The following TECPR2 variants were observed in gnomAD, a reference collection of about 807,000 sequenced individuals.
TECPR2 encodes tectonin beta-propeller repeat-containing protein 2.
In TECPR2, 65 loss-of-function variants were observed where a neutral mutation model predicts 138.1. The observed-to-expected ratio is 0.47, with a 90% CI of 0.39 to 0.58. The LOEUF is 0.58. Among genes scored for constraint, TECPR2 ranks in the 20% least tolerant of loss-of-function variants. The pLI is 0.00. For synonymous variants in TECPR2, 746 were observed against 749.8 expected, an observed-to-expected ratio of 0.99 and a Z score of 0.08; for missense variants, 1,553 against 1,824.5, an observed-to-expected ratio of 0.85 and a Z score of 2.71.
At chr14:102,466,587 G>A (rs1258358188) in intron 17 of TECPR2, among the ~76,000 whole-genome samples, 2 of 152,160 alleles carry the variant, frequency 1.3e-5, no homozygotes, top group East Asian at 3.9e-4. Context: ...CCCGCACCCA[G>A]GTGGACTCCT....
chr14:102,396,209 T>C (rs1888311028), intron 2 of TECPR2, among the ~76,000 whole-genome samples: 2 of 151,694 alleles, frequency 1.3e-5, no homozygotes, highest in African/African-American at 4.8e-5. Flanking sequence ...TTCAAGCTGC[T>C]CTCCTGCCTC....
chr14:102,369,491 GGATCCTCCAGGTTCAGTC>G (rs1887435947), intron 1 of TECPR2, among the ~76,000 whole-genome samples: 2 of 152,048 alleles, frequency 1.3e-5, no homozygotes, highest in South Asian at 4.1e-4. Context: ...CGGGCTCAAT[GGATCCTCCAGGTTCAGTC>G]GATCCTCCGG....
chr14:102,475,201 G>GA (rs1173735288), intron 17 of TECPR2, among the ~76,000 whole-genome samples: 3 of 152,226 alleles, frequency 2.0e-5, no homozygotes, highest in African/African-American at 4.8e-5. Context: ...ACTGGTACAA[G>GA]AAAGGCAAGT....
In TECPR2 at chr14:102,436,911, G is replaced by T. The variant is rs539197488; in HGVS notation, c.2395-1111G>T. 1.4e-5 allele frequency: 12 copies of T among 833,480 alleles called. No homozygotes were observed. In the African/African-American group the frequency reaches 1.8e-4, roughly 13 times the overall value. The allele number at this position is 833,480 out of a possible 1,614,324, so 51.6% of individuals were successfully genotyped here. A position where few individuals can be genotyped will look rare whatever the true frequency, so the allele number is the denominator to read the frequency against. On this transcript the variant is annotated intron_variant, in intron 9 of 19. Coordinates refer to ENST00000359520, the MANE Select transcript of TECPR2 (RefSeq NM_014844.5). ...GGCGTTAGCCAGGCAGACTGTCGGT[G>T]GGGTGGGGTATTGGAATTCTAGGCC...
chr14:102,383,640 G>A (rs376113839), intron 2 of TECPR2, among the ~76,000 whole-genome samples: 3 of 151,526 alleles, frequency 2.0e-5, no homozygotes, highest in South Asian at 2.1e-4. Context: ...ACTCCTGATC[G>A]CAAGTGATCC....
Position 102,367,994 on chromosome 14 carries a change from CTTTTTTTTTTTT to C in TECPR2, c.-73+4897_-73+4908del, listed in dbSNP as rs56325877. ...AACATCTTTTTATGTGCTTATTGGC[CTTTTTTTTTTTT>C]TTTTTTTTTTTTTTTTTTGGAAATA... is the stretch of plus-strand genomic sequence containing the variant. On this transcript the variant is annotated intron_variant, in intron 1 of 19. Coordinates refer to ENST00000359520, the MANE Select transcript of TECPR2 (RefSeq NM_014844.5). Among the ~76,000 whole-genome samples, 195 of 65,834 alleles carry C rather than the reference CTTTTTTTTTTTT, an allele frequency of 3.0e-3. 2 individuals carry two copies. The highest frequency in any genetic ancestry group is 9.8e-3 in the African/African-American group (140 of 14,304). 43.2% of individuals were successfully genotyped at this position (65,834 alleles called of 152,430 possible). A position where few individuals can be genotyped will look rare whatever the true frequency, so the allele number is the denominator to read the frequency against.
Position 102,443,747 on chromosome 14 carries a change from A to G in TECPR2, c.2853A>G (p.Thr951=). 1 of 1,612,434 alleles carries G rather than the reference A, an allele frequency of 6.2e-7. No individual in the cohort carries two copies. The highest frequency in any genetic ancestry group is 8.5e-7 in the Non-Finnish European group (1 of 1,178,740). ...TARNNVVWAL[T]EQRALLYREG... is the part of the protein sequence containing the mutation. ...GGAACAATGTGGTGTGGGCGCTGAC[A>G]GAGCAGAGGGCCCTCCTGTACCGGG... is the stretch of plus-strand genomic sequence containing the variant. The change falls in exon 12 of 20, where the codon ACA becomes ACG. Residue 951 remains threonine (T), a synonymous_variant. Coordinates refer to ENST00000359520, the MANE Select transcript of TECPR2 (RefSeq NM_014844.5). This position sits in a 1 kb window ranked among gnomAD's most constrained non-coding sequence, Gnocchi z 4.9.
intron 17 of TECPR2, among the ~76,000 whole-genome samples, chr14:102,467,429 A>T (rs988805995): frequency 6.6e-6 from 1 of 151,320 alleles, no homozygotes; most frequent in Non-Finnish European, 1.5e-5. Flanking sequence ...GGTTCAAGCA[A>T]TTATCCTGCC....
chr14:102,436,850 G>A (rs1036990847), intron 9 of TECPR2, among the ~76,000 whole-genome samples: 1 of 152,242 alleles, frequency 6.6e-6, no homozygotes, highest in Non-Finnish European at 1.5e-5. Flanking sequence ...GTACAGGGCT[G>A]CAGGAAGCGC....
chr14:102,374,595 A>G (rs570972096), intron 1 of TECPR2, among the ~76,000 whole-genome samples: 1 of 152,146 alleles, frequency 6.6e-6, no homozygotes, highest in Non-Finnish European at 1.5e-5. Flanking sequence ...AACCCTCTCT[A>G]TTTTTTAAAA....
chr14:102,418,540 G>A (rs187929510), intron 5 of TECPR2, among the ~76,000 whole-genome samples: 36 of 152,356 alleles, frequency 2.4e-4, no homozygotes, highest in African/African-American at 7.2e-4. Context: ...CCTGCGCACC[G>A]AGGATCTGAG....
intron 1 of TECPR2, among the ~76,000 whole-genome samples, chr14:102,376,311 T>C (rs1003763564): frequency 6.6e-6 from 1 of 152,176 alleles, no homozygotes. Context: ...CCACAAATTA[T>C]CACCTCATTA....
intron 2 of TECPR2, among the ~76,000 whole-genome samples, chr14:102,387,265 A>G (rs1185034600): frequency 6.6e-6 from 1 of 152,136 alleles, no homozygotes; most frequent in East Asian, 1.9e-4. Flanking sequence ...TTTTTTCTAC[A>G]GAAGTTAGTG....
intron 17 of TECPR2, among the ~76,000 whole-genome samples, chr14:102,492,189 C>G (rs11160686): frequency 0.087 from 13,194 of 152,324 alleles, 747 homozygotes; most frequent in African/African-American, 0.17. Context: ...GACCTGGCCT[C>G]CATCCCTACC....
chr14:102,414,565 G>A, intron 4 of TECPR2, 71 bp from the exon 5 acceptor site: 1 of 1,565,312 alleles, frequency 6.4e-7, no homozygotes. Context: ...GAAGGACACT[G>A]ACTTGTCCTA....
chr14:102,463,416 CAAAA>C lies in TECPR2; in HGVS notation c.3641-1705_3641-1702del, dbSNP rs550694466. On this transcript the variant is annotated intron_variant, in intron 16 of 19. Transcript: ENST00000359520. ...TGGGCGACAGAGCGAGACTCCGTCT[CAAAA>C]AAAAAAAAAAAAAAAAAAAGAAAAA... Among the ~76,000 whole-genome samples the C allele has an allele frequency of 1.6e-4, 6 of 38,538 alleles. No individual in the cohort carries two copies. The South Asian group carries it at 4.7e-3, about 30-fold the overall frequency. The allele number at this position is 38,538 out of a possible 152,430, so 25.3% of individuals were successfully genotyped here. A position where few individuals can be genotyped will look rare whatever the true frequency, so the allele number is the denominator to read the frequency against.
intron 17 of TECPR2, among the ~76,000 whole-genome samples, chr14:102,466,534 C>T (rs1026047063): frequency 1.3e-5 from 2 of 152,172 alleles, no homozygotes; most frequent in Admixed American, 1.3e-4. Context: ...AAAAGCAAGC[C>T]GCCTGTCGTT....
In TECPR2 at chr14:102,498,187, G is replaced by T; in HGVS notation, c.4166G>T (p.Gly1389Val). The change falls in exon 20 of 20, where the codon GGC (glycine) becomes GTC (valine). Residue 1389 changes from glycine (G) to valine (V), a missense_variant. Gly to Val is a moderately radical substitution (Grantham distance 109). Transcript: ENST00000359520. ...RLTKTFSHSH[G>V]TQKSSQAAMP... ...ACAAAGACGTTCAGCCACTCGCACG[G>T]CACCCAGAAGAGCAGCCAGGCCGCC... is the stretch of plus-strand genomic sequence containing the variant. 6.2e-7 allele frequency: 1 copy of T among 1,611,006 alleles called. No homozygotes were observed.
chr14:102,424,380 G>A (rs1289912381), intron 5 of TECPR2, among the ~76,000 whole-genome samples: 1 of 152,200 alleles, frequency 6.6e-6, no homozygotes, highest in Non-Finnish European at 1.5e-5. Flanking sequence ...CACCCAGGTT[G>A]GAGTACAGTA....
Sources: gnomAD v4.1 joint callset for allele counts (sites outside exome capture counted in the v4.1 genomes callset) on GRCh38, gnomAD v4.1.1 for gene constraint, Gnocchi (gnomAD v3.1) non-coding constraint, MANE v1.5 for transcripts, NCBI Gene and HGNC (gene_info 2026-07-23, HGNC 2026-07-21) for gene names.